Variants in BRSK1 observed in about 807,000 individuals in gnomAD.
BRSK1 encodes the protein BR serine/threonine kinase 1, also known as serine/threonine-protein kinase BRSK1.
In BRSK1, 17 loss-of-function variants were observed where a neutral mutation model predicts 86.2. That is an observed-to-expected ratio of 0.20 (90% CI 0.14 to 0.30). BRSK1 has a LOEUF of 0.30. Among genes scored for constraint, BRSK1 ranks in the 10% least tolerant of loss-of-function variants. BRSK1 has a pLI of 1.00. For missense variants in BRSK1, 719 were observed against 1,071.9 expected, an observed-to-expected ratio of 0.67 and a Z score of 4.60; for synonymous variants, 464 against 440.1, an observed-to-expected ratio of 1.05 and a Z score of -0.68.
Position 55,303,895 on chromosome 19 carries a change from G to C in BRSK1, c.1286+69G>C. ...CTAGGAGTTCAAGATTCTAACCCCAGCTCTACCTCAAATGTGCTGTGTCCT... is the reference window on the plus strand; with the variant it reads ...CTAGGAGTTCAAGATTCTAACCCCACCTCTACCTCAAATGTGCTGTGTCCT... On this transcript the variant is annotated intron_variant, in intron 12 of 18. Transcript: ENST00000309383. The surrounding 1 kb of genome is among the most constrained non-coding windows in gnomAD (Gnocchi z 5.1). 1 of 1,528,952 alleles carries C rather than the reference G, an allele frequency of 6.5e-7. No homozygotes were observed. Among genetic ancestry groups the C allele is most frequent in the African/African-American group, 1.4e-5 (1 of 72,236 alleles). The allele number at this position is 1,528,952 out of a possible 1,614,324, so 94.7% of individuals were successfully genotyped here.
rs575917525 is a variant in BRSK1 at position 55,295,830 on chromosome 19, T to A, written c.678+1433T>A. Among the ~76,000 whole-genome samples the A allele has an allele frequency of 5.2e-3, 797 of 152,224 alleles. 4 individuals carry two copies. Among genetic ancestry groups the A allele is most frequent in the Non-Finnish European group, 8.2e-3 (556 of 67,990 alleles). On this transcript the variant is annotated intron_variant, in intron 7 of 18. Coordinates refer to ENST00000309383, the MANE Select transcript of BRSK1 (RefSeq NM_032430.2). ...CTAGAAATACAAAAACTAGCCGGGC[T>A]TGGTGGCGCATGCCTGTAGTCCCAG...
chr19:55,290,076 C>T (rs2088381584), intron 4 of BRSK1, among the ~76,000 whole-genome samples: 1 of 152,264 alleles, frequency 6.6e-6, no homozygotes, highest in African/African-American at 2.4e-5. Flanking sequence ...CTCACTACAA[C>T]CTCTGCCTCC....
chr19:55,284,158 A>C lies in BRSK1; in HGVS notation c.-285A>C. 6.3e-6 allele frequency: 6 copies of C among 958,720 alleles called. No homozygotes were observed. The highest frequency in any genetic ancestry group is 3.5e-5 in the East Asian group (1 of 28,290). The allele number at this position is 958,720 out of a possible 1,614,324, so 59.4% of individuals were successfully genotyped here. ...AGACCCCCCCGGCGGGGGGAGGCGC[A>C]GGAAGCGGGGGGCCGGCCAGAAACG... On this transcript the variant is annotated 5_prime_UTR_variant, in exon 1 of 19. Coordinates refer to ENST00000309383, the MANE Select transcript of BRSK1 (RefSeq NM_032430.2).
In BRSK1 at chr19:55,302,012, T is replaced by C; in HGVS notation, c.826-125T>C. 8.7e-7 allele frequency: 1 copy of C among 1,146,716 alleles called. No individual in the cohort carries two copies. The highest frequency in any genetic ancestry group is 1.3e-6 in the Non-Finnish European group (1 of 758,110). The allele number at this position is 1,146,716 out of a possible 1,614,324, so 71.0% of individuals were successfully genotyped here. ...CACTAGAGGGCGATGTAATATGTCATCCTGCCCCCGGTGGGGTGGGCGGGG... is the reference window on the plus strand; with the variant it reads ...CACTAGAGGGCGATGTAATATGTCACCCTGCCCCCGGTGGGGTGGGCGGGG... On this transcript the variant is annotated intron_variant, in intron 8 of 18. Coordinates refer to ENST00000309383, the MANE Select transcript of BRSK1 (RefSeq NM_032430.2). This position sits in a 1 kb window ranked among gnomAD's most constrained non-coding sequence, Gnocchi z 6.3.
At position 55,304,618 on chromosome 19, in the gene BRSK1, C is replaced by A; in HGVS notation, c.1415C>A (p.Thr472Asn). The A allele has an allele frequency of 6.4e-7, 1 of 1,555,324 alleles. No homozygotes were observed. Among genetic ancestry groups the A allele is most frequent in the South Asian group, 1.2e-5 (1 of 83,906 alleles). ...GDEARGGGSP[T>N]SKTQTLPSRG... ...GAGGCTCGAGGCGGGGGCTCCCCGA[C>A]TTCCAAAACGCAGACGCTGCCTTCT... The change falls in exon 14 of 19, where the codon ACT becomes AAT. Residue 472 changes from threonine (T) to asparagine (N), a missense_variant. By Grantham distance (65) the Thr-to-Asn change is moderately conservative (BLOSUM62 0). Around this residue, in one of 6 missense-constraint regions of BRSK1, gnomAD observed 143 missense variants for 120.1 expected, o/e 1.19. Transcript: ENST00000309383. The surrounding 1 kb of genome is among the most constrained non-coding windows in gnomAD (Gnocchi z 5.2).
At chr19:55,289,648 G>A in intron 4 of BRSK1, 28 bp downstream of exon 4, 1 of 1,609,792 alleles carries the variant, frequency 6.2e-7, no homozygotes, top group Non-Finnish European at 8.5e-7. Flanking sequence ...GGGGGAGGAG[G>A]GGCTGAGGGC....
Position 55,294,304 on chromosome 19 carries a change from A to C in BRSK1, c.610-25A>C, listed in dbSNP as rs1044827065. The C allele has an allele frequency of 3.1e-6, 5 of 1,614,024 alleles. No individual in the cohort carries two copies. Among genetic ancestry groups the C allele is most frequent in the Non-Finnish European group, 4.2e-6 (5 of 1,180,048 alleles). On this transcript the variant is annotated intron_variant, in intron 6 of 18. Coordinates refer to ENST00000309383, the MANE Select transcript of BRSK1 (RefSeq NM_032430.2). The surrounding 1 kb of genome is among the most constrained non-coding windows in gnomAD (Gnocchi z 4.9). ...TGGAGGCAGCAGTGAGGAGCGATGA[A>C]GTCACAACTGGCCTTCCCTTCCAGG...
rs2122978263 is a variant in BRSK1 at position 55,303,076 on chromosome 19, TATAC to T, written c.1028+213_1028+216del. ...TAGATGCTGCGACATAGTACTTACA[TATAC>T]ATAGTACTTACAAATAGTTCTTGCC... On this transcript the variant is annotated intron_variant, in intron 10 of 18. Coordinates refer to ENST00000309383, the MANE Select transcript of BRSK1 (RefSeq NM_032430.2). The surrounding 1 kb of genome is among the most constrained non-coding windows in gnomAD (Gnocchi z 5.1). 1 of 651,602 alleles carries T rather than the reference TATAC, an allele frequency of 1.5e-6. No individual in the cohort carries two copies. Among genetic ancestry groups the T allele is most frequent in the East Asian group, 2.7e-5 (1 of 36,512 alleles). The allele number at this position is 651,602 out of a possible 1,614,324, so 40.4% of individuals were successfully genotyped here.
chr19:55,286,996 T>G lies in BRSK1; in HGVS notation c.137-11T>G, dbSNP rs190693937. Reference sequence around the variant, plus strand: ...GGCGGAACACCCCACATTTTCACCCTGCTCCTGCAGGGCTGGTTAAACTCG... The same window carrying G: ...GGCGGAACACCCCACATTTTCACCCGGCTCCTGCAGGGCTGGTTAAACTCG... On this transcript the variant is annotated splice_polypyrimidine_tract_variant and intron_variant, in intron 1 of 18. Transcript: ENST00000309383. The G allele has an allele frequency of 1.6e-4, 262 of 1,613,888 alleles. 2 individuals are homozygous for G. In the East Asian group the frequency reaches 5.6e-3, roughly 34 times the overall value.
Position 55,284,357 on chromosome 19 carries a change from G to T in BRSK1, c.-86G>T. ...GGGCAGCCGGGGGGGCCGGGACGGAGCGGTCGCCGGCCCCCACCGGAGAGA... is the reference window on the plus strand; with the variant it reads ...GGGCAGCCGGGGGGGCCGGGACGGATCGGTCGCCGGCCCCCACCGGAGAGA... On this transcript the variant is annotated 5_prime_UTR_variant, in exon 1 of 19. Transcript: ENST00000309383. 4.3e-6 allele frequency: 4 copies of T among 920,264 alleles called. No individual in the cohort carries two copies. Among genetic ancestry groups the T allele is most frequent in the Non-Finnish European group, 4.3e-6 (3 of 697,696 alleles). 57.0% of individuals were successfully genotyped at this position (920,264 alleles called of 1,614,324 possible).
intron 7 of BRSK1, among the ~76,000 whole-genome samples, chr19:55,296,501 C>T (rs1204209261): frequency 6.6e-6 from 1 of 151,730 alleles, no homozygotes; most frequent in Non-Finnish European, 1.5e-5. Flanking sequence ...AGTTCAAGAC[C>T]AGCCTGGGCA....
intron 4 of BRSK1, among the ~76,000 whole-genome samples, chr19:55,291,821 C>T (rs971182147): frequency 7.2e-5 from 11 of 152,188 alleles, no homozygotes; most frequent in Non-Finnish European, 1.6e-4. Context: ...TGCAATGGCA[C>T]GATCTCAGCT....
chr19:55,291,899 C>T (rs556935533), intron 4 of BRSK1, among the ~76,000 whole-genome samples: 2 of 152,286 alleles, frequency 1.3e-5, no homozygotes, highest in East Asian at 3.9e-4. Context: ...CCTGGGACTA[C>T]AGGCACCCGC....
intron 4 of BRSK1, among the ~76,000 whole-genome samples, chr19:55,291,405 G>A (rs536229210): frequency 7.9e-5 from 12 of 152,168 alleles, no homozygotes; most frequent in Admixed American, 2.0e-4. Flanking sequence ...TTAGCTGGAT[G>A]TGGTGGCGTG....
chr19:55,300,337 G>A (rs1053222216), intron 7 of BRSK1, among the ~76,000 whole-genome samples: 32 of 152,148 alleles, frequency 2.1e-4, no homozygotes, highest in African/African-American at 7.0e-4. Flanking sequence ...GTGCTGTGAC[G>A]ACCCATTGCC....
intron 7 of BRSK1, among the ~76,000 whole-genome samples, 154 bp from the exon 8 acceptor site, chr19:55,301,358 C>T (rs1199398943): frequency 6.6e-6 from 1 of 152,196 alleles, no homozygotes; most frequent in East Asian, 1.9e-4. Flanking sequence ...CCTGCTGTGC[C>T]ACGGACGAGC....
chr19:55,298,188 ATTCTTTTTTTTTTGTTTC>A (rs2088516425), intron 7 of BRSK1, among the ~76,000 whole-genome samples: 1 of 57,666 alleles, frequency 1.7e-5, no homozygotes, highest in African/African-American at 6.4e-5. Flanking sequence ...TTAGTAGTTT[ATTCTTTTTTTTTTGTTTC>A]TTCTTTTTTT....
At chr19:55,288,088 G>A (rs2088346691) in intron 3 of BRSK1, 1 of 152,546 alleles carries the variant, frequency 6.6e-6, no homozygotes, top group African/African-American at 2.4e-5. Flanking sequence ...GTCCGGACCG[G>A]TGCATGGTCG....
intron 18 of BRSK1, 55 bp from the exon 19 acceptor site, chr19:55,311,856 G>A: frequency 6.3e-7 from 1 of 1,584,228 alleles, no homozygotes; most frequent in East Asian, 2.3e-5. Context: ...CCCTGGTAAT[G>A]GGAACCCCAA....
Sources: gnomAD v4.1 joint callset for allele counts (sites outside exome capture counted in the v4.1 genomes callset) on GRCh38, gnomAD v4.1.1 for gene constraint, gnomAD v4.1.1 regional missense constraint, Gnocchi (gnomAD v3.1) non-coding constraint, MANE v1.5 for transcripts, NCBI Gene and HGNC (gene_info 2026-07-23, HGNC 2026-07-21) for gene names.